F5: variants seen among roughly 807,000 people sequenced by gnomAD.
F5 encodes activated protein c cofactor.
Under a neutral mutation model 216.4 loss-of-function variants are expected in F5, and 138 were observed. That is an observed-to-expected ratio of 0.64 (90% CI 0.56 to 0.73). The LOEUF (loss-of-function observed/expected upper bound fraction) is 0.73. Ranked by LOEUF, F5 falls within the 30% of genes least tolerant of loss-of-function variation. F5 has a pLI of 0.00. For missense variants in F5, 2,403 were observed against 2,674.0 expected, an observed-to-expected ratio of 0.90 and a Z score of 2.24; for synonymous variants, 916 against 930.7, an observed-to-expected ratio of 0.98 and a Z score of 0.29.
intron 9 of F5, among the ~76,000 whole-genome samples, chr1:169,550,299 C>CCCG (rs1553221195): frequency 1.6e-5 from 2 of 121,526 alleles, no homozygotes; most frequent in African/African-American, 6.0e-5. Context: ...CCCCCCCCCC[C>CCCG]CGACAGGCCC....
intron 23 of F5, 116 bp downstream of exon 23, chr1:169,518,296 T>C: frequency 7.9e-7 from 1 of 1,272,176 alleles, no homozygotes; most frequent in African/African-American, 1.5e-5. Flanking sequence ...AGGATTTTAA[T>C]CTGCAGAAAC....
chr1:169,557,523 T>A (rs1660360649), intron 5 of F5, among the ~76,000 whole-genome samples: 1 of 152,204 alleles, frequency 6.6e-6, no homozygotes, highest in African/African-American at 2.4e-5. Flanking sequence ...GTCCTCATTA[T>A]GCTGAGCCAT....
chr1:169,547,556 G>A (rs571206760), intron 10 of F5, among the ~76,000 whole-genome samples: 6 of 152,238 alleles, frequency 3.9e-5, no homozygotes, highest in African/African-American at 1.2e-4. Context: ...TTCAAAAGAA[G>A]ACACACATGT....
At position 169,574,434 on chromosome 1, in the gene F5, A is replaced by C. The variant is rs138546633; in HGVS notation, c.251-2091T>G. 1.8e-3 allele frequency among the ~76,000 whole-genome samples: 272 copies of C among 152,318 alleles called. 1 individual carries two copies. The highest frequency in any genetic ancestry group is 5.8e-3 in the African/African-American group (243 of 41,574). ...AATCTATGACCAAAAGCCCCATTCC[A>C]GACAAGTGACAGAAATCAACTACTG... On this transcript the variant is annotated intron_variant, in intron 2 of 24. Coordinates refer to ENST00000367797, the MANE Select transcript of F5 (RefSeq NM_000130.5).
In F5 at chr1:169,555,307, C is replaced by T. The variant is rs1397121117; in HGVS notation, c.993G>A (p.Lys331=). 6.2e-7 allele frequency: 1 copy of T among 1,613,970 alleles called. No individual in the cohort carries two copies. The highest frequency in any genetic ancestry group is 1.3e-5 in the African/African-American group (1 of 74,896). ...TTATTTTCTTAAGATTCCTGGTTTT[C>T]TTTGGGCAGTTTTTAATGTCAATGT... ...QAYIDIKNCP[K]KTRNLKKITR... Residue 331 remains lysine, a synonymous_variant, in exon 7 of 25, where the codon AAG becomes AAA. Coordinates refer to ENST00000367797, the MANE Select transcript of F5 (RefSeq NM_000130.5).
intron 13 of F5, among the ~76,000 whole-genome samples, chr1:169,538,131 A>G (rs1050822118): frequency 2.0e-5 from 3 of 152,150 alleles, no homozygotes; most frequent in Non-Finnish European, 4.4e-5. Flanking sequence ...ATAAACAATG[A>G]AATACTATTT....
intron 14 of F5, among the ~76,000 whole-genome samples, chr1:169,531,635 G>A (rs139026093): frequency 2.0e-4 from 31 of 152,214 alleles, no homozygotes; most frequent in African/African-American, 6.3e-4. Flanking sequence ...CAAGGATCTC[G>A]GTGGAACTGG....
At chr1:169,543,179 A>C in intron 12 of F5, 65 bp from the exon 13 acceptor site, 1 of 1,418,922 alleles carries the variant, frequency 7.0e-7, no homozygotes, top group Non-Finnish European at 9.9e-7. Context: ...AAACACAATA[A>C]TCCATTGTGG....
rs1659874756 is a variant in F5 at position 169,542,229 on chromosome 1, C to T, written c.2861G>A (p.Gly954Asp). 1 of 1,613,954 alleles carries T rather than the reference C, an allele frequency of 6.2e-7. No individual in the cohort carries two copies. Among genetic ancestry groups the T allele is most frequent in the Non-Finnish European group, 8.5e-7 (1 of 1,179,988 alleles). ...AGTATCTTGGATTATTTCATAGCTACCTTTCTCAGAAGCCAAATGCCATCT... is the reference window on the plus strand; with the variant it reads ...AGTATCTTGGATTATTTCATAGCTATCTTTCTCAGAAGCCAAATGCCATCT... ...VGRWHLASEK[G>D]SYEIIQDTDE... The change falls in exon 13 of 25, where the codon GGT (glycine) becomes GAT (aspartate). Residue 954 changes from glycine (G) to aspartate (D), a missense_variant. Transcript: ENST00000367797.
chr1:169,532,455 C>A (rs1232841587), intron 14 of F5, among the ~76,000 whole-genome samples: 2 of 152,176 alleles, frequency 1.3e-5, no homozygotes, highest in Non-Finnish European at 2.9e-5. Context: ...CCTAAAGACT[C>A]CATGAAAAGG....
At chr1:169,527,654 T>C (rs1659490825) in intron 17 of F5, among the ~76,000 whole-genome samples, 1 of 152,148 alleles carries the variant, frequency 6.6e-6, no homozygotes, top group Non-Finnish European at 1.5e-5. Context: ...CACAGTGGCT[T>C]GGGAGAAACT....
intron 2 of F5, among the ~76,000 whole-genome samples, chr1:169,577,954 C>A (rs943452114): frequency 4.6e-5 from 7 of 152,068 alleles, no homozygotes; most frequent in Admixed American, 3.9e-4. Context: ...GCTAGAATCA[C>A]ACCCAGCAGA....
chr1:169,558,755 T>C (rs1326567504), intron 5 of F5, among the ~76,000 whole-genome samples: 1 of 152,232 alleles, frequency 6.6e-6, no homozygotes, highest in African/African-American at 2.4e-5. Context: ...TTTTTTTGTG[T>C]GTTGAGGATT....
Position 169,544,287 on chromosome 1 carries a change from C to T in F5, c.1975+9G>A. ...AGCTTCCTCTGTGAGTGTCCAGACT[C>T]TTACTCACCAACATTATCCATTGTG... On this transcript the variant is annotated intron_variant, in intron 12 of 24. Transcript: ENST00000367797. 1 of 1,612,338 alleles carries T rather than the reference C, an allele frequency of 6.2e-7. No homozygotes were observed. Among genetic ancestry groups the T allele is most frequent in the South Asian group, 1.1e-5 (1 of 91,046 alleles).
chr1:169,541,783 T>C lies in F5; in HGVS notation c.3307A>G (p.Asn1103Asp). Residue 1103 changes from asparagine (N) to aspartate (D), a missense_variant, in exon 13 of 25, where the codon AAT (asparagine) becomes GAT (aspartate). By Grantham distance (23) the Asn-to-Asp change is conservative. Transcript: ENST00000367797. ...WIASLPDHNQ[N>D]SSNDTGQASC... ...GCCTGACCAGTGTCATTTGAGGAAT[T>C]CTGATTATGGTCAGGAAGTGAGGCT... The C allele has an allele frequency of 6.2e-7, 1 of 1,614,104 alleles. No individual in the cohort carries two copies. The highest frequency in any genetic ancestry group is 8.5e-7 in the Non-Finnish European group (1 of 1,179,990).
intron 19 of F5, among the ~76,000 whole-genome samples, 178 bp downstream of exon 19, chr1:169,524,659 A>T (rs1332393026): frequency 6.6e-6 from 1 of 152,176 alleles, no homozygotes; most frequent in Non-Finnish European, 1.5e-5. Flanking sequence ...CTCCTACCAT[A>T]GTGTTCCTTC....
intron 8 of F5, among the ~76,000 whole-genome samples, chr1:169,551,726 C>G (rs1423114867): frequency 6.6e-6 from 1 of 152,184 alleles, no homozygotes; most frequent in African/African-American, 2.4e-5. Context: ...ATTGTCAAAG[C>G]CTTTGGATCA....
chr1:169,567,418 G>A (rs766548768), intron 3 of F5, among the ~76,000 whole-genome samples: 9 of 151,834 alleles, frequency 5.9e-5, no homozygotes, highest in Non-Finnish European at 5.9e-5. Context: ...ACCTGCTAAT[G>A]CCATCACACT....
Position 169,518,659 on chromosome 1 carries a change from C to T in F5, c.6194-96G>A, listed in dbSNP as rs750675993. 5.3e-6 allele frequency: 7 copies of T among 1,327,484 alleles called. No homozygotes were observed. The South Asian group carries it at 6.1e-5, about 12-fold the overall frequency. 82.2% of individuals were successfully genotyped at this position (1,327,484 alleles called of 1,614,324 possible). On this transcript the variant is annotated intron_variant, in intron 22 of 24. Coordinates refer to ENST00000367797, the MANE Select transcript of F5 (RefSeq NM_000130.5). ...AGATAAGAAATAATATTACTACCAA[C>T]AAATGACAAAAACAATAACCACAAC...
Sources: allele counts gnomAD v4.1 joint callset (sites outside exome capture counted in the v4.1 genomes callset), GRCh38; gene constraint gnomAD v4.1.1; transcripts MANE v1.5; gene names NCBI Gene and HGNC (gene_info 2026-07-23, HGNC 2026-07-21).